The following PTPRT variants were observed in gnomAD, a reference collection of about 807,000 sequenced individuals.
The protein encoded by PTPRT is receptor-type tyrosine-protein phosphatase T.
A neutral mutation model predicts 176.8 loss-of-function variants in PTPRT; 56 were observed. The observed-to-expected ratio is 0.32, with a 90% CI of 0.26 to 0.40. PTPRT has a LOEUF of 0.40. Ranked by LOEUF, PTPRT falls within the 10% of genes least tolerant of loss-of-function variation. The pLI is 1.00. For missense variants in PTPRT, 1,540 were observed against 1,908.2 expected, an observed-to-expected ratio of 0.81 and a Z score of 3.60; for synonymous variants, 783 against 739.0, an observed-to-expected ratio of 1.06 and a Z score of -0.96.
In PTPRT at chr20:42,350,655, G is replaced by C; in HGVS notation, c.1838C>G (p.Pro613Arg). 1 of 1,613,120 alleles carries C rather than the reference G, an allele frequency of 6.2e-7. No homozygotes were observed. Among genetic ancestry groups the C allele is most frequent in the Non-Finnish European group, 8.5e-7 (1 of 1,179,080 alleles). ...TDTTITVMLK[P>R]AQSRGAPVSV... Reference sequence around the variant, plus strand: ...GACAGGAGCTCCCCGGGACTGAGCGGGTTTCAGCATCACTGTGATGGTCGT... The same window carrying C: ...GACAGGAGCTCCCCGGGACTGAGCGCGTTTCAGCATCACTGTGATGGTCGT... Residue 613 changes from proline to arginine, a missense_variant, in exon 11 of 31, where the codon CCC becomes CGC. Physicochemically the swap from Pro to Arg is moderately radical, Grantham distance 103. This residue lies in a region of PTPRT where 81 missense variants were observed against 89.9 expected (regional missense o/e 0.90). Coordinates refer to ENST00000373187, the MANE Select transcript of PTPRT (RefSeq NM_007050.6).
Position 42,074,993 on chromosome 20 carries a change from C to A in PTPRT, c.*5886G>T. ...GTGTCAGAAGAAACTGGAGCTAGAA[C>A]AGCTCCCCCCACACTCCACCACTAA... On this transcript the variant is annotated 3_prime_UTR_variant, in exon 31 of 31. Transcript: ENST00000373187. 2.5e-6 allele frequency: 1 copy of A among 394,528 alleles called. No homozygotes were observed. 24.4% of individuals were successfully genotyped at this position (394,528 alleles called of 1,614,324 possible). A position where few individuals can be genotyped will look rare whatever the true frequency, so the allele number is the denominator to read the frequency against.
At chr20:42,602,167 A>G (rs1182731734) in intron 7 of PTPRT, among the ~76,000 whole-genome samples, 1 of 151,994 alleles carries the variant, frequency 6.6e-6, no homozygotes, top group Admixed American at 6.6e-5. Flanking sequence ...TTTTCCCACA[A>G]CTCTGGGCCA....
At chr20:43,145,306 T>C (rs1315534230) in intron 1 of PTPRT, among the ~76,000 whole-genome samples, 1 of 152,258 alleles carries the variant, frequency 6.6e-6, no homozygotes, top group Non-Finnish European at 1.5e-5. Flanking sequence ...GAAGGTTTCC[T>C]ATATGTGTAA....
chr20:42,743,430 G>A (rs952406682), intron 6 of PTPRT, among the ~76,000 whole-genome samples: 2 of 152,228 alleles, frequency 1.3e-5, no homozygotes, highest in African/African-American at 4.8e-5. Flanking sequence ...CAAGAGGTGG[G>A]AAAGCAGAGA....
intron 1 of PTPRT, among the ~76,000 whole-genome samples, chr20:43,087,367 T>G (rs2011639079): frequency 2.4e-5 from 1 of 40,998 alleles, no homozygotes. Flanking sequence ...TCCGTCCTTT[T>G]TTTTTTTTTT....
chr20:42,194,631 A>G (rs1991129300), intron 16 of PTPRT, among the ~76,000 whole-genome samples: 1 of 152,252 alleles, frequency 6.6e-6, no homozygotes, highest in East Asian at 1.9e-4. Context: ...CCAGTGAGCA[A>G]AAGATCGCAG....
At position 42,237,278 on chromosome 20, in the gene PTPRT, G is replaced by A. The variant is rs112759994; in HGVS notation, c.2313-1020C>T. Among the ~76,000 whole-genome samples, 1,206 of 152,286 alleles carry A rather than the reference G, an allele frequency of 7.9e-3. 8 individuals carry two copies. The highest frequency in any genetic ancestry group is 0.028 in the African/African-American group (1,144 of 41,548). On this transcript the variant is annotated intron_variant, in intron 14 of 30. Coordinates refer to ENST00000373187, the MANE Select transcript of PTPRT (RefSeq NM_007050.6). ...TGTTACATGGCAGTAGATGACCGGC[G>A]CAAAGTCCAACCTTATCTTGGAAGA...
At chr20:42,096,709 G>A (rs77247981) in intron 27 of PTPRT, among the ~76,000 whole-genome samples, 2 of 151,772 alleles carry the variant, frequency 1.3e-5, no homozygotes, top group South Asian at 2.1e-4. Context: ...TCAGCCTCCT[G>A]AGTAACTGGG....
rs1330744158 is a variant in PTPRT at position 43,020,161 on chromosome 20, TG to T, written c.89-134230del. On this transcript the variant is annotated intron_variant, in intron 1 of 30. Transcript: ENST00000373187. ...ATGTGTGTGTACATATGTGCATGTG[TG>T]TTTGTCTCTATATAATTACATATAT... 5.6e-3 allele frequency among the ~76,000 whole-genome samples: 834 copies of T among 148,368 alleles called. 13 individuals are homozygous for T. Among genetic ancestry groups the T allele is most frequent in the African/African-American group, 0.02 (811 of 40,798 alleles).
intron 13 of PTPRT, among the ~76,000 whole-genome samples, chr20:42,278,809 C>A (rs1300241558): frequency 6.6e-6 from 1 of 152,062 alleles, no homozygotes; most frequent in East Asian, 1.9e-4. Flanking sequence ...CATTTTCTCT[C>A]TACTTGAGCA....
rs370734953 is a variant in PTPRT, at chr20:42,771,608, C to A, written c.569-58G>T. On this transcript the variant is annotated intron_variant, in intron 4 of 30. Coordinates refer to ENST00000373187, the MANE Select transcript of PTPRT (RefSeq NM_007050.6). ...AGATTCGACAGCCTGCACCACTTCC[C>A]TATTGGTGGATGGCAGCTCAGGATG... The A allele has an allele frequency of 7.2e-5, 102 of 1,412,774 alleles. No individual in the cohort carries two copies. The African/African-American group carries it at 9.7e-4, about 13-fold the overall frequency. 87.5% of individuals were successfully genotyped at this position (1,412,774 alleles called of 1,614,324 possible).
chr20:42,085,764 G>A lies in PTPRT; in HGVS notation c.3936C>T (p.Ile1312=). ...TACAGATGCGGAATATTCTGTGGAT[G>A]ATGTCCTCGTCGATGTCTGCGGAGA... ...EFVSADIDED[I]IHRIFRICNM... Residue 1312 remains isoleucine (I), a synonymous_variant, in exon 28 of 31, where the codon ATC becomes ATT. Coordinates refer to ENST00000373187, the MANE Select transcript of PTPRT (RefSeq NM_007050.6). The A allele has an allele frequency of 6.2e-7, 1 of 1,614,086 alleles. No individual in the cohort carries two copies. Among genetic ancestry groups the A allele is most frequent in the Non-Finnish European group, 8.5e-7 (1 of 1,180,032 alleles).
intron 7 of PTPRT, among the ~76,000 whole-genome samples, chr20:42,557,697 AAAAC>A (rs1489630952): frequency 6.6e-6 from 1 of 152,172 alleles, no homozygotes; most frequent in Non-Finnish European, 1.5e-5. Flanking sequence ...TGTAAAAACA[AAAAC>A]AAACTATCAA....
chr20:42,935,147 A>ATTTTTT (rs57178522), intron 1 of PTPRT, among the ~76,000 whole-genome samples: 4 of 42,166 alleles, frequency 9.5e-5, no homozygotes, highest in Non-Finnish European at 1.7e-4. Flanking sequence ...TTTTGCCATA[A>ATTTTTT]TTTTTTTTTT....
At chr20:42,319,566 C>A (rs2057770429) in intron 11 of PTPRT, among the ~76,000 whole-genome samples, 1 of 152,144 alleles carries the variant, frequency 6.6e-6, no homozygotes, top group African/African-American at 2.4e-5. Context: ...AAATTTAAAT[C>A]ATTTTGTTAG....
chr20:42,778,639 G>C (rs1218139628), intron 4 of PTPRT, among the ~76,000 whole-genome samples: 2 of 152,166 alleles, frequency 1.3e-5, no homozygotes, highest in Non-Finnish European at 2.9e-5. Context: ...CAATTAAATG[G>C]ACCACAGGTA....
At chr20:43,186,983 T>C (rs573484160) in intron 1 of PTPRT, among the ~76,000 whole-genome samples, 182 of 152,352 alleles carry the variant, frequency 1.2e-3, no homozygotes, top group Non-Finnish European at 2.0e-3. Flanking sequence ...CCATCCCAAA[T>C]CATGTTTTGC....
At chr20:42,256,026 T>C (rs984931124) in intron 13 of PTPRT, among the ~76,000 whole-genome samples, 1 of 152,212 alleles carries the variant, frequency 6.6e-6, no homozygotes, top group East Asian at 1.9e-4. Flanking sequence ...AGAGTTTCTC[T>C]GGCTTTGTAT....
chr20:42,672,137 T>C (rs2075423760), intron 7 of PTPRT, among the ~76,000 whole-genome samples: 1 of 152,222 alleles, frequency 6.6e-6, no homozygotes, highest in South Asian at 2.1e-4. Context: ...TTCCTGGGTA[T>C]GTCTGTGAGG....
Sources: gnomAD v4.1 joint callset for allele counts (sites outside exome capture counted in the v4.1 genomes callset) on GRCh38, gnomAD v4.1.1 for gene constraint, gnomAD v4.1.1 regional missense constraint, MANE v1.5 for transcripts, NCBI Gene and HGNC (gene_info 2026-07-23, HGNC 2026-07-21) for gene names.